SMARCA2: variants seen among roughly 807,000 people sequenced by gnomAD.
SMARCA2 encodes the protein SWI/SNF related BAF chromatin remodeling complex subunit ATPase 2.
In SMARCA2, 61 loss-of-function variants were observed where a neutral mutation model predicts 199.8. The observed-to-expected ratio is 0.31, with a 90% confidence interval of 0.25 to 0.38. The LOEUF (loss-of-function observed/expected upper bound fraction) is 0.38, where lower values mean the gene tolerates loss of function less well. SMARCA2 is among the 10% of genes least tolerant of loss of function. The probability of loss-of-function intolerance (pLI) is 1.00; values close to 1 mark genes in which losing one functional copy is unlikely to be tolerated. For synonymous variants in SMARCA2, 935 were observed against 732.0 expected (o/e 1.28, Z -4.48); for missense variants, 1,344 against 2,012.2 (o/e 0.67, Z 6.35).
intron 27 of SMARCA2, among the ~76,000 whole-genome samples, chr9:2,134,161 T>G (rs1377701177): frequency 6.6e-6 from 1 of 152,220 alleles, no homozygotes; most frequent in Non-Finnish European, 1.5e-5. Flanking sequence ...CTCTTTTGTG[T>G]CTTGATGACA....
At chr9:2,174,232 A>C (rs1418523098) in intron 29 of SMARCA2, among the ~76,000 whole-genome samples, 5 of 152,194 alleles carry the variant, frequency 3.3e-5, no homozygotes, top group African/African-American at 1.2e-4. Context: ...AAGGAAGGGA[A>C]GGAGGCTCAG....
intron 19 of SMARCA2, among the ~76,000 whole-genome samples, chr9:2,093,370 T>C (rs1214891163): frequency 1.3e-5 from 2 of 152,220 alleles, no homozygotes; most frequent in African/African-American, 4.8e-5. Context: ...ACATGCAGAT[T>C]GACACCGGTA....
At chr9:2,096,067 A>G (rs1822262796) in intron 19 of SMARCA2, among the ~76,000 whole-genome samples, 1 of 152,208 alleles carries the variant, frequency 6.6e-6, no homozygotes, top group African/African-American at 2.4e-5. Flanking sequence ...ACCATAAAGT[A>G]GTGTCCAATT....
intron 32 of SMARCA2, among the ~76,000 whole-genome samples, chr9:2,189,862 G>A (rs1827756467): frequency 6.6e-6 from 1 of 151,962 alleles, no homozygotes; most frequent in African/African-American, 2.4e-5. Flanking sequence ...TTTAGTTTTG[G>A]AAATATTTTG....
intron 32 of SMARCA2, among the ~76,000 whole-genome samples, chr9:2,186,764 G>C (rs1827488201): frequency 6.6e-6 from 1 of 152,214 alleles, no homozygotes; most frequent in African/African-American, 2.4e-5. Context: ...GGCCTCACGT[G>C]ATCCACCCGC....
intron 31 of SMARCA2, among the ~76,000 whole-genome samples, 186 bp from the exon 32 acceptor site, chr9:2,185,910 G>A (rs112729788): frequency 6.6e-6 from 1 of 152,178 alleles, no homozygotes; most frequent in Non-Finnish European, 1.5e-5. Context: ...TGGACTTTCT[G>A]TATGAATGTG....
At chr9:2,146,815 T>C (rs1824772177) in intron 27 of SMARCA2, among the ~76,000 whole-genome samples, 1 of 152,112 alleles carries the variant, frequency 6.6e-6, no homozygotes, top group African/African-American at 2.4e-5. Context: ...GGTGGGAGTG[T>C]AGCAGTGAGG....
intron 27 of SMARCA2, among the ~76,000 whole-genome samples, chr9:2,156,291 G>T (rs1273779114): frequency 6.6e-6 from 1 of 151,956 alleles, no homozygotes; most frequent in African/African-American, 2.4e-5. Context: ...GTAAGAACAT[G>T]TATGAACCTG....
chr9:2,089,371 T>C (rs1821952196), intron 19 of SMARCA2, among the ~76,000 whole-genome samples: 1 of 152,178 alleles, frequency 6.6e-6, no homozygotes, highest in Non-Finnish European at 1.5e-5. Flanking sequence ...GTGTACTATT[T>C]GTTGCATGAG....
chr9:2,072,815 C>T (rs1196793120), intron 10 of SMARCA2, among the ~76,000 whole-genome samples: 1 of 152,232 alleles, frequency 6.6e-6, no homozygotes, highest in African/African-American at 2.4e-5. Context: ...TACAACTGGT[C>T]TAGTGAGGAC....
At chr9:2,040,077 T>C (rs1819539421) in intron 4 of SMARCA2, 177 bp downstream of exon 4, 1 of 1,238,122 alleles carries the variant, frequency 8.1e-7, no homozygotes, top group Non-Finnish European at 1.1e-6. Flanking sequence ...TCCCCTGCTG[T>C]TGAGACCTAG....
At chr9:2,090,102 A>C (rs1319796229) in intron 19 of SMARCA2, among the ~76,000 whole-genome samples, 1 of 152,194 alleles carries the variant, frequency 6.6e-6, no homozygotes, top group Non-Finnish European at 1.5e-5. Flanking sequence ...TTGCAGCTTA[A>C]GAATTATGAG....
chr9:2,116,492 A>G (rs1039572320), intron 25 of SMARCA2, among the ~76,000 whole-genome samples: 1 of 152,194 alleles, frequency 6.6e-6, no homozygotes, highest in Non-Finnish European at 1.5e-5. Context: ...ACATGTTTGT[A>G]GGACAAACCT....
Position 2,170,186 on chromosome 9 carries a change from C to T in SMARCA2, c.4200-233C>T, listed in dbSNP as rs369835781. 3.3e-5 allele frequency among the ~76,000 whole-genome samples: 5 copies of T among 152,116 alleles called. No homozygotes were observed. Among genetic ancestry groups the T allele is most frequent in the South Asian group, 2.1e-4 (1 of 4,828 alleles). Reference sequence around the variant, plus strand: ...GGGTAACAGGAATTTCTGTGTGTGACGGAAGTAGGAAAATCCCAGAAAGGT... The same window carrying T: ...GGGTAACAGGAATTTCTGTGTGTGATGGAAGTAGGAAAATCCCAGAAAGGT... On this transcript the variant is annotated intron_variant, in intron 28 of 33. Coordinates refer to ENST00000349721, the MANE Select transcript of SMARCA2 (RefSeq NM_003070.5). The surrounding 1 kb of genome is among the most constrained non-coding windows in gnomAD (Gnocchi z 4.7).
At chr9:2,093,611 A>G (rs1482394937) in intron 19 of SMARCA2, among the ~76,000 whole-genome samples, 1 of 152,196 alleles carries the variant, frequency 6.6e-6, no homozygotes, top group African/African-American at 2.4e-5. Context: ...TAACTAAACT[A>G]ACAACCCTGG....
At chr9:2,167,246 C>T (rs1825978587) in intron 28 of SMARCA2, among the ~76,000 whole-genome samples, 1 of 152,198 alleles carries the variant, frequency 6.6e-6, no homozygotes, top group Non-Finnish European at 1.5e-5. Flanking sequence ...CTCTTTCTAT[C>T]AACTCTCTTA....
chr9:2,156,397 A>AAGTTTACC (rs939302180), intron 27 of SMARCA2, among the ~76,000 whole-genome samples: 3 of 143,952 alleles, frequency 2.1e-5, no homozygotes, highest in Non-Finnish European at 3.0e-5. Context: ...AAATACCATA[A>AAGTTTACC]AGTTTACCAT....
rs571447358 is a variant in SMARCA2 at position 2,157,648 on chromosome 9, A to C, written c.3982-4038A>C. ...TTTCAGTGTTAAGATGGTTTGTTCC[A>C]CTGTAAGGACTGTGCCACATGGCTT... On this transcript the variant is annotated intron_variant, in intron 27 of 33. Transcript: ENST00000349721. The C allele has an allele frequency of 7.0e-5, 26 of 373,530 alleles. No individual in the cohort carries two copies. The Middle Eastern group carries it at 2.7e-3, about 39-fold the overall frequency. 23.1% of individuals were successfully genotyped at this position (373,530 alleles called of 1,614,324 possible).
At chr9:2,182,963 G>T (rs562831052) in intron 31 of SMARCA2, among the ~76,000 whole-genome samples, 1 of 151,916 alleles carries the variant, frequency 6.6e-6, no homozygotes, top group Non-Finnish European at 1.5e-5. Flanking sequence ...GCAAATTTTT[G>T]TATTTTTAGT....
Sources: allele counts gnomAD v4.1 joint callset (sites outside exome capture counted in the v4.1 genomes callset), GRCh38; gene constraint gnomAD v4.1.1; non-coding constraint Gnocchi (gnomAD v3.1); transcripts MANE v1.5; gene names NCBI Gene and HGNC (gene_info 2026-07-23, HGNC 2026-07-21).